GRM5: variants seen among roughly 807,000 people sequenced by gnomAD.
The protein encoded by GRM5 is metabotropic glutamate receptor 5.
In GRM5, 19 loss-of-function variants were observed where a neutral mutation model predicts 83.1. The ratio of observed to expected loss-of-function variants is 0.23; its 90% CI spans 0.16 to 0.34. The LOEUF (loss-of-function observed/expected upper bound fraction) is 0.34. Among genes scored for constraint, GRM5 ranks in the 10% least tolerant of loss-of-function variants. GRM5 has a pLI of 1.00. For missense variants in GRM5, 1,160 were observed against 1,588.3 expected, an observed-to-expected ratio of 0.73 and a Z score of 4.58; for synonymous variants, 675 against 633.6, an observed-to-expected ratio of 1.07 and a Z score of -0.98.
chr11:88,523,265 T>C (rs978870011), intron 9 of GRM5, among the ~76,000 whole-genome samples: 7 of 152,184 alleles, frequency 4.6e-5, no homozygotes, highest in African/African-American at 1.4e-4. Flanking sequence ...TAAGTTGTAT[T>C]GCCCAATATT....
At chr11:89,038,648 G>T (rs946966860) in intron 2 of GRM5, among the ~76,000 whole-genome samples, 1 of 152,128 alleles carries the variant, frequency 6.6e-6, no homozygotes, top group Non-Finnish European at 1.5e-5. Flanking sequence ...AACAAGGAAA[G>T]GTGCTGCTTT....
chr11:88,535,938 A>C (rs1942121403), intron 8 of GRM5, among the ~76,000 whole-genome samples: 2 of 152,246 alleles, frequency 1.3e-5, no homozygotes, highest in African/African-American at 2.4e-5. Flanking sequence ...AAGGAGCAAA[A>C]AAGAGAGAGA....
rs545497500 is a variant in GRM5 at position 88,984,856 on chromosome 11, A to C, written c.661+62356T>G. ...AAGAATCATTCCATCTAATTTCTTC[A>C]AATCTCAAGAACACACACCTGGCAA... On this transcript the variant is annotated intron_variant, in intron 2 of 9. Coordinates refer to ENST00000305447, the MANE Select transcript of GRM5 (RefSeq NM_001143831.3). The C allele has an allele frequency of 4.4e-4, 315 of 715,202 alleles. 3 individuals are homozygous for C. In the South Asian group the frequency reaches 4.8e-3, roughly 11 times the overall value. 44.3% of individuals were successfully genotyped at this position (715,202 alleles called of 1,614,324 possible).
chr11:88,863,320 T>C (rs1048307755), intron 2 of GRM5, among the ~76,000 whole-genome samples: 1 of 152,038 alleles, frequency 6.6e-6, no homozygotes, highest in African/African-American at 2.4e-5. Context: ...TGTATGTTCA[T>C]TGCAGCACTA....
At chr11:88,655,759 A>T (rs540813736) in intron 3 of GRM5, among the ~76,000 whole-genome samples, 1 of 151,852 alleles carries the variant, frequency 6.6e-6, no homozygotes, top group Admixed American at 6.6e-5. Flanking sequence ...TATAAGTTAG[A>T]GTTGTGAGTT....
In GRM5 at chr11:88,508,875, G is replaced by A; in HGVS notation, c.3356C>T (p.Pro1119Leu). Reference protein sequence around the residue: ...MTTFAEIQPLPAIEVTGGAQP... With the variant: ...MTTFAEIQPLLAIEVTGGAQP... ...CGCGCCTCCCGTGACTTCGATGGCC[G>A]GCAGAGGCTGGATTTCGGCAAAGGT... The change falls in exon 10 of 10, where the codon CCG (proline) becomes CTG (leucine). Residue 1119 changes from proline to leucine, a missense_variant. By Grantham distance (98) the Pro-to-Leu change is moderately conservative (BLOSUM62 -3). Around this residue, in one of 9 missense-constraint regions of GRM5, gnomAD observed 562 missense variants for 532.4 expected, o/e 1.06. Coordinates refer to ENST00000305447, the MANE Select transcript of GRM5 (RefSeq NM_001143831.3). This position sits in a 1 kb window ranked among gnomAD's most constrained non-coding sequence, Gnocchi z 4.2. 2.5e-6 allele frequency: 4 copies of A among 1,587,976 alleles called. No individual in the cohort carries two copies. The highest frequency in any genetic ancestry group is 1.1e-5 in the South Asian group (1 of 87,046).
intron 8 of GRM5, among the ~76,000 whole-genome samples, chr11:88,564,731 G>A (rs1045458425): frequency 7.2e-5 from 11 of 152,288 alleles, no homozygotes; most frequent in East Asian, 1.9e-4. Flanking sequence ...GGTACAGGTA[G>A]GTATTGGAGG....
Position 88,521,772 on chromosome 11 carries a change from G to A in GRM5, c.2726+3537C>T, listed in dbSNP as rs138849499. On this transcript the variant is annotated intron_variant, in intron 9 of 9. Transcript: ENST00000305447. Reference sequence around the variant, plus strand: ...CAGCAACATATTTCAGGAAGCTAGTGTGCTATGGGGACATGTTATATTCTC... The same window carrying A: ...CAGCAACATATTTCAGGAAGCTAGTATGCTATGGGGACATGTTATATTCTC... Among the ~76,000 whole-genome samples the A allele has an allele frequency of 2.6e-4, 40 of 152,322 alleles. No homozygotes were observed. The East Asian group carries it at 7.5e-3, about 29-fold the overall frequency.
At chr11:88,618,339 C>T (rs553504432) in intron 4 of GRM5, among the ~76,000 whole-genome samples, 1 of 152,218 alleles carries the variant, frequency 6.6e-6, no homozygotes, top group South Asian at 2.1e-4. Context: ...GACACTTTTA[C>T]TAATCTTCTT....
intron 2 of GRM5, among the ~76,000 whole-genome samples, chr11:88,880,490 T>C (rs1944934146): frequency 6.6e-6 from 1 of 152,142 alleles, no homozygotes; most frequent in African/African-American, 2.4e-5. Context: ...TACACTGAAT[T>C]AACCTTATAA....
At chr11:88,731,072 T>C (rs1941797237) in intron 3 of GRM5, among the ~76,000 whole-genome samples, 1 of 152,088 alleles carries the variant, frequency 6.6e-6, no homozygotes, top group African/African-American at 2.4e-5. Flanking sequence ...TTAAGAGCAA[T>C]TTATTAATGC....
intron 2 of GRM5, among the ~76,000 whole-genome samples, chr11:88,901,307 T>A (rs891500911): frequency 2.0e-5 from 3 of 152,190 alleles, no homozygotes; most frequent in African/African-American, 7.2e-5. Context: ...CATATATTAA[T>A]TCACTTAGTT....
intron 3 of GRM5, among the ~76,000 whole-genome samples, chr11:88,753,689 T>C (rs1439332549): frequency 6.6e-6 from 1 of 152,048 alleles, no homozygotes; most frequent in Non-Finnish European, 1.5e-5. Context: ...CCATCAATGA[T>C]AGGCTGGATA....
chr11:88,570,064 G>C (rs1357439083), intron 7 of GRM5, among the ~76,000 whole-genome samples: 1 of 152,088 alleles, frequency 6.6e-6, no homozygotes, highest in Non-Finnish European at 1.5e-5. Flanking sequence ...AGGGGAAAGG[G>C]AAGGGAAGGG....
chr11:88,875,315 G>A (rs1289019772), intron 2 of GRM5, among the ~76,000 whole-genome samples: 2 of 151,912 alleles, frequency 1.3e-5, no homozygotes, highest in Non-Finnish European at 2.9e-5. Context: ...TCTATTAGAA[G>A]CAACTTCTCA....
intron 2 of GRM5, among the ~76,000 whole-genome samples, chr11:88,901,283 G>A (rs1945311660): frequency 6.6e-6 from 1 of 152,044 alleles, no homozygotes; most frequent in African/African-American, 2.4e-5. Context: ...CTTTGATGTT[G>A]TTATATCCCT....
chr11:88,619,453 A>T (rs1488541840), intron 4 of GRM5, among the ~76,000 whole-genome samples: 1 of 152,182 alleles, frequency 6.6e-6, no homozygotes, highest in Non-Finnish European at 1.5e-5. Flanking sequence ...AATGCTCTGG[A>T]CCCTGTCTCA....
At chr11:88,736,910 G>A (rs541876577) in intron 3 of GRM5, among the ~76,000 whole-genome samples, 1 of 152,090 alleles carries the variant, frequency 6.6e-6, no homozygotes, top group African/African-American at 2.4e-5. Flanking sequence ...TAAGTTTCCC[G>A]TGCTGTGCCT....
chr11:88,827,277 C>G (rs1943909045), intron 3 of GRM5, among the ~76,000 whole-genome samples: 1 of 152,140 alleles, frequency 6.6e-6, no homozygotes, highest in Non-Finnish European at 1.5e-5. Flanking sequence ...GGCACTACTC[C>G]ACATCAGCAA....
Sources: gnomAD v4.1 joint callset for allele counts (sites outside exome capture counted in the v4.1 genomes callset) on GRCh38, gnomAD v4.1.1 for gene constraint, gnomAD v4.1.1 regional missense constraint, Gnocchi (gnomAD v3.1) non-coding constraint, MANE v1.5 for transcripts, NCBI Gene and HGNC (gene_info 2026-07-23, HGNC 2026-07-21) for gene names.